Variants in ANO2 observed in about 807,000 individuals in gnomAD.
ANO2 encodes the protein anoctamin-2.
Under a neutral mutation model 124.2 loss-of-function variants are expected in ANO2, and 101 were observed. That is an observed-to-expected ratio of 0.81 (90% CI 0.69 to 0.96). The LOEUF is 0.96. Among genes scored for constraint, ANO2 ranks in the 40% least tolerant of loss-of-function variants. The pLI, the probability that ANO2 is intolerant of heterozygous loss-of-function variation, is 0.00. For missense variants in ANO2, 1,293 were observed against 1,274.5 expected (o/e 1.01, Z -0.22); for synonymous variants, 486 against 482.5 (o/e 1.01, Z -0.09).
At chr12:5,932,733 A>T (rs938661082) in intron 1 of ANO2, among the ~76,000 whole-genome samples, 1 of 152,178 alleles carries the variant, frequency 6.6e-6, no homozygotes, top group Non-Finnish European at 1.5e-5. Context: ...GTGAGGAAGG[A>T]AAGTAGACTA....
At chr12:5,757,734 G>T (rs1951620891) in intron 10 of ANO2, among the ~76,000 whole-genome samples, 1 of 152,206 alleles carries the variant, frequency 6.6e-6, no homozygotes. Context: ...AGGTAACCAG[G>T]AGAACTGAAT....
intron 3 of ANO2, among the ~76,000 whole-genome samples, chr12:5,864,738 C>G (rs1037249684): frequency 6.6e-6 from 1 of 152,318 alleles, no homozygotes; most frequent in South Asian, 2.1e-4. Context: ...CTTGCCTCAT[C>G]ATCCCATCAA....
chr12:5,915,369 A>G (rs1565775674), intron 3 of ANO2, among the ~76,000 whole-genome samples: 1 of 152,200 alleles, frequency 6.6e-6, no homozygotes, highest in Admixed American at 6.5e-5. Flanking sequence ...AAAAATGAAA[A>G]AGTGAAATGC....
intron 14 of ANO2, among the ~76,000 whole-genome samples, chr12:5,662,208 C>T (rs1423719281): frequency 1.3e-5 from 2 of 152,264 alleles, no homozygotes; most frequent in African/African-American, 2.4e-5. Context: ...AAAGCATCTG[C>T]TTGACACACC....
chr12:5,792,286 C>T (rs1952720489), intron 10 of ANO2, among the ~76,000 whole-genome samples: 1 of 152,236 alleles, frequency 6.6e-6, no homozygotes, highest in Non-Finnish European at 1.5e-5. Context: ...TACACAGGCA[C>T]ATTACCCATC....
intron 10 of ANO2, among the ~76,000 whole-genome samples, chr12:5,764,284 T>G (rs950814223): frequency 3.9e-5 from 6 of 152,222 alleles, no homozygotes; most frequent in African/African-American, 1.4e-4. Flanking sequence ...CATCTGACCC[T>G]TCCATGTCAA....
chr12:5,931,039 T>G (rs1371579949), intron 1 of ANO2, among the ~76,000 whole-genome samples: 1 of 152,198 alleles, frequency 6.6e-6, no homozygotes, highest in Non-Finnish European at 1.5e-5. Flanking sequence ...GCCTTCCTAC[T>G]GCTTATCTTG....
intron 15 of ANO2, among the ~76,000 whole-genome samples, chr12:5,637,339 A>ATGTGTG (rs10700184): frequency 0.034 from 5,077 of 149,058 alleles, 116 homozygotes; most frequent in Non-Finnish European, 0.052. Context: ...GAGTGAGTGA[A>ATGTGTG]TGTGTGTGTG....
intron 15 of ANO2, among the ~76,000 whole-genome samples, chr12:5,640,736 G>C (rs1437357873): frequency 2.6e-5 from 4 of 152,226 alleles, no homozygotes; most frequent in South Asian, 2.1e-4. Context: ...AGATGCTGGA[G>C]AGGATGCGGA....
rs1369907079 is a variant in ANO2, at chr12:5,925,329, G to T, written c.23-2525C>A. Among the ~76,000 whole-genome samples the T allele has an allele frequency of 6.6e-6, 1 of 152,084 alleles. No individual in the cohort carries two copies. Among genetic ancestry groups the T allele is most frequent in the African/African-American group, 2.4e-5 (1 of 41,370 alleles). Reference sequence around the variant, plus strand: ...CCTGGAGTTTGAGGCTGACATTCAGGGCCCTCACTAGCCATCGCAGTTGCT... The same window carrying T: ...CCTGGAGTTTGAGGCTGACATTCAGTGCCCTCACTAGCCATCGCAGTTGCT... On this transcript the variant is annotated intron_variant, in intron 1 of 24. Transcript: ENST00000682330. The surrounding 1 kb of genome is among the most constrained non-coding windows in gnomAD (Gnocchi z 4.6).
At chr12:5,898,070 T>C (rs1298632432) in intron 3 of ANO2, among the ~76,000 whole-genome samples, 1 of 152,128 alleles carries the variant, frequency 6.6e-6, no homozygotes, top group Non-Finnish European at 1.5e-5. Flanking sequence ...ATTTTTTTAA[T>C]GGCTATAAGA....
intron 3 of ANO2, among the ~76,000 whole-genome samples, chr12:5,916,654 ACT>A (rs146702185): frequency 1.3e-4 from 19 of 151,702 alleles, no homozygotes; most frequent in Non-Finnish European, 1.6e-4. Flanking sequence ...GTAGATGGAA[ACT>A]CTGTACAATC....
At chr12:5,706,855 G>A (rs1949629011) in intron 14 of ANO2, among the ~76,000 whole-genome samples, 1 of 152,194 alleles carries the variant, frequency 6.6e-6, no homozygotes, top group African/African-American at 2.4e-5. Flanking sequence ...GAGTCATGGA[G>A]GTTAAATAAC....
At chr12:5,764,678 C>T (rs1419098789) in intron 10 of ANO2, among the ~76,000 whole-genome samples, 1 of 152,200 alleles carries the variant, frequency 6.6e-6, no homozygotes, top group African/African-American at 2.4e-5. Context: ...CCACCACTGC[C>T]ATCACCATTC....
chr12:5,870,389 C>G (rs1025101510), intron 3 of ANO2: 1 of 152,230 alleles, frequency 6.6e-6, no homozygotes, highest in Non-Finnish European at 1.5e-5. Flanking sequence ...ATCTTTGGCA[C>G]CTTGGCAACG....
intron 14 of ANO2, among the ~76,000 whole-genome samples, chr12:5,718,217 G>A (rs1950093205): frequency 1.3e-5 from 2 of 152,208 alleles, no homozygotes; most frequent in Non-Finnish European, 2.9e-5. Flanking sequence ...CACTGAAACA[G>A]AGCAAAAACA....
chr12:5,592,411 C>T lies in ANO2; in HGVS notation c.2233+7073G>A, dbSNP rs116038974. On this transcript the variant is annotated intron_variant, in intron 20 of 24. Coordinates refer to ENST00000682330, the MANE Select transcript of ANO2 (RefSeq NM_001364791.2). ...CAAATGTGTCTGAGCCTGCAACACT[C>T]AGCAAGCAGTCACGGGTAGGCGACA... Among the ~76,000 whole-genome samples the T allele has an allele frequency of 4.3e-3, 655 of 152,118 alleles. 6 individuals are homozygous for T. Among genetic ancestry groups the T allele is most frequent in the African/African-American group, 0.014 (577 of 41,496 alleles).
intron 19 of ANO2, among the ~76,000 whole-genome samples, chr12:5,610,436 T>A (rs1457078994): frequency 7.6e-6 from 1 of 131,406 alleles, no homozygotes; most frequent in Non-Finnish European, 1.5e-5. Context: ...CATAAATATA[T>A]AAATGCATAT....
intron 7 of ANO2, among the ~76,000 whole-genome samples, chr12:5,823,211 C>T (rs1953861017): frequency 6.6e-6 from 1 of 152,114 alleles, no homozygotes; most frequent in South Asian, 2.1e-4. Flanking sequence ...TCAGAATTAA[C>T]CCAAAAGTCC....
Sources: allele counts gnomAD v4.1 joint callset (sites outside exome capture counted in the v4.1 genomes callset), GRCh38; gene constraint gnomAD v4.1.1; non-coding constraint Gnocchi (gnomAD v3.1); transcripts MANE v1.5; gene names NCBI Gene and HGNC (gene_info 2026-07-23, HGNC 2026-07-21).